HSD17B12: variants seen among roughly 807,000 people sequenced by gnomAD.
HSD17B12 encodes the protein very-long-chain 3-oxoacyl-CoA reductase.
A neutral mutation model predicts 39.3 loss-of-function variants in HSD17B12; 32 were observed. That is an observed-to-expected ratio of 0.81 (90% CI 0.61 to 1.09). The LOEUF is 1.09. Ranked by LOEUF, HSD17B12 falls within the 50% of genes least tolerant of loss-of-function variation. The pLI, the probability that HSD17B12 is intolerant of heterozygous loss-of-function variation, is 0.00. For synonymous variants in HSD17B12, 150 were observed against 146.7 expected (o/e 1.02, Z -0.16); for missense variants, 342 against 382.9 (o/e 0.89, Z 0.89).
the HSD17B12 span, among the ~76,000 whole-genome samples, chr11:43,631,573 GTC>G: frequency 0.012 from 1,750 of 146,636 alleles, 11 homozygotes; most frequent in South Asian, 0.024. Context: ...CTCTCTGCCT[GTC>G]TCTCTCTCTC....
the HSD17B12 span, among the ~76,000 whole-genome samples, chr11:43,621,314 G>A: frequency 6.6e-6 from 1 of 152,314 alleles, no homozygotes; most frequent in African/African-American, 2.4e-5. Flanking sequence ...TGGTCACTCA[G>A]TATGTCTCAA....
chr11:43,677,628 G>A (rs953015920), upstream of HSD17B12, among the ~76,000 whole-genome samples: 1 of 145,146 alleles, frequency 6.9e-6, no homozygotes, highest in Non-Finnish European at 1.5e-5. Flanking sequence ...AGTGTGTGAT[G>A]TTCCCTTTCC....
Position 43,840,958 on chromosome 11 carries a change from T to C in HSD17B12, c.684+894T>C, listed in dbSNP as rs118131360. ...TTTTGAAGAACTTAGCTATTTTCCA[T>C]GTCAGCTACACCAGTTTACACTTCC... On this transcript the variant is annotated intron_variant, in intron 9 of 10. Coordinates refer to ENST00000278353, the MANE Select transcript of HSD17B12 (RefSeq NM_016142.3). Among the ~76,000 whole-genome samples the C allele has an allele frequency of 1.6e-4, 25 of 152,326 alleles. 1 individual carries two copies. The East Asian group carries it at 3.9e-3, about 24-fold the overall frequency.
chr11:43,716,560 A>G (rs1950125128), intron 1 of HSD17B12, among the ~76,000 whole-genome samples: 1 of 151,916 alleles, frequency 6.6e-6, no homozygotes, highest in South Asian at 2.1e-4. Context: ...GCAAACCCTT[A>G]TTGATCACTT....
At chr11:43,713,526 C>T (rs1219167611) in intron 1 of HSD17B12, among the ~76,000 whole-genome samples, 1 of 152,010 alleles carries the variant, frequency 6.6e-6, no homozygotes, top group Non-Finnish European at 1.5e-5. Flanking sequence ...TCCAGTCTAT[C>T]ATTGTTGGAC....
chr11:43,801,626 A>G (rs910644019), intron 4 of HSD17B12, among the ~76,000 whole-genome samples: 4 of 19,496 alleles, frequency 2.1e-4, no homozygotes, highest in Middle Eastern at 0.031. Context: ...ATATATATAT[A>G]TATATGTATA....
At chr11:43,686,922 C>T (rs1490037514) in intron 1 of HSD17B12, among the ~76,000 whole-genome samples, 1 of 152,178 alleles carries the variant, frequency 6.6e-6, no homozygotes, top group Non-Finnish European at 1.5e-5. Flanking sequence ...ATTACCATTG[C>T]TACTTGCAAC....
chr11:43,678,362 A>T (rs1370356770), upstream of HSD17B12, among the ~76,000 whole-genome samples: 1 of 151,912 alleles, frequency 6.6e-6, no homozygotes, highest in Non-Finnish European at 1.5e-5. Context: ...GATTGCAAAA[A>T]TTTTCTCCCA....
At chr11:43,783,488 C>T (rs779193146) in intron 3 of HSD17B12, among the ~76,000 whole-genome samples, 92 of 150,728 alleles carry the variant, frequency 6.1e-4, no homozygotes, top group Admixed American at 2.7e-3. Context: ...TAGGTATACA[C>T]GTGCCATGGT....
At chr11:43,818,802 A>G (rs775319049) in intron 6 of HSD17B12, among the ~76,000 whole-genome samples, 8 of 152,190 alleles carry the variant, frequency 5.3e-5, no homozygotes, top group Non-Finnish European at 5.9e-5. Flanking sequence ...AGATCATTAT[A>G]AGGGCTCTCA....
At chr11:43,604,714 C>T in the HSD17B12 span, among the ~76,000 whole-genome samples, 3 of 152,178 alleles carry the variant, frequency 2.0e-5, no homozygotes, top group East Asian at 5.8e-4. Context: ...TAGCTCACAC[C>T]ACAATAAGAA....
chr11:43,834,105 CA>C (rs1322916803), intron 7 of HSD17B12: 1 of 152,108 alleles, frequency 6.6e-6, no homozygotes, highest in Non-Finnish European at 1.5e-5. Context: ...CTTTCTTCCA[CA>C]AAGCAATATT....
chr11:43,581,526 C>A, the HSD17B12 span: 2 of 460,448 alleles, frequency 4.3e-6, no homozygotes, highest in Non-Finnish European at 9.2e-6. This position sits in a 1 kb window ranked among gnomAD's most constrained non-coding sequence, Gnocchi z 4.9. Context: ...TCGCCGAAGC[C>A]CGCACCTTCC....
chr11:43,585,346 C>G, the HSD17B12 span, among the ~76,000 whole-genome samples: 2 of 152,084 alleles, frequency 1.3e-5, no homozygotes, highest in African/African-American at 2.4e-5. Context: ...AATTTTGAAA[C>G]CCCAGGGCTG....
chr11:43,613,422 A>G, the HSD17B12 span, among the ~76,000 whole-genome samples: 9 of 151,322 alleles, frequency 5.9e-5, no homozygotes, highest in African/African-American at 1.9e-4. Flanking sequence ...AACAACAACA[A>G]AAAAAAACAA....
At chr11:43,698,650 C>T (rs549380634) in intron 1 of HSD17B12, among the ~76,000 whole-genome samples, 1 of 152,222 alleles carries the variant, frequency 6.6e-6, no homozygotes, top group South Asian at 2.1e-4. Context: ...TTTTTTCCAT[C>T]TATCAAATGT....
At chr11:43,837,138 A>T (rs1951378540) in intron 7 of HSD17B12, among the ~76,000 whole-genome samples, 1 of 152,154 alleles carries the variant, frequency 6.6e-6, no homozygotes, top group South Asian at 2.1e-4. Context: ...TCTCACCTAG[A>T]GGCTGGCAGA....
intron 1 of HSD17B12, among the ~76,000 whole-genome samples, chr11:43,699,935 G>C (rs1949947754): frequency 6.6e-6 from 1 of 152,198 alleles, no homozygotes; most frequent in African/African-American, 2.4e-5. Context: ...ATCTTACCCA[G>C]TTATGGCTTA....
the HSD17B12 span, among the ~76,000 whole-genome samples, chr11:43,649,734 T>C: frequency 6.6e-6 from 1 of 152,256 alleles, no homozygotes; most frequent in Non-Finnish European, 1.5e-5. Flanking sequence ...ATCCTTCGAC[T>C]GTTTTGACCA....
Sources: allele counts gnomAD v4.1 joint callset (sites outside exome capture counted in the v4.1 genomes callset), GRCh38; gene constraint gnomAD v4.1.1; non-coding constraint Gnocchi (gnomAD v3.1); transcripts MANE v1.5; gene names NCBI Gene and HGNC (gene_info 2026-07-23, HGNC 2026-07-21).